The following NDUFA10 variants were observed in gnomAD, a reference collection of about 807,000 sequenced individuals.
NDUFA10 encodes the protein NADH dehydrogenase [ubiquinone] 1 alpha subcomplex subunit 10, mitochondrial.
NDUFA10 carries 40 observed loss-of-function variants against 47.8 expected under a neutral mutation model. That is an observed-to-expected ratio of 0.84 (90% confidence interval 0.65 to 1.09). The LOEUF is 1.09. Among genes scored for constraint, NDUFA10 ranks in the 50% least tolerant of loss-of-function variants. The pLI is 0.00. For synonymous variants in NDUFA10, 183 were observed against 172.2 expected, an observed-to-expected ratio of 1.06 and a Z score of -0.49; for missense variants, 413 against 451.1, an observed-to-expected ratio of 0.92 and a Z score of 0.76.
chr2:239,915,171 CAT>C (rs548886647), intron 4 of NDUFA10, among the ~76,000 whole-genome samples: 1,877 of 138,666 alleles, frequency 0.014, 158 homozygotes, highest in African/African-American at 0.043. Flanking sequence ...GATACACAAA[CAT>C]ACACACACAG....
intron 9 of NDUFA10, among the ~76,000 whole-genome samples, chr2:239,974,496 G>A (rs1349141195): frequency 6.6e-6 from 1 of 152,264 alleles, no homozygotes; most frequent in Non-Finnish European, 1.5e-5. Context: ...TCAAATGAGA[G>A]TGTGGATGTC....
intron 8 of NDUFA10, among the ~76,000 whole-genome samples, chr2:239,995,764 C>T (rs1476180400): frequency 2.0e-5 from 3 of 152,142 alleles, no homozygotes; most frequent in East Asian, 1.9e-4. Flanking sequence ...CATGCCCACA[C>T]TAATTGAAAG....
intron 9 of NDUFA10, among the ~76,000 whole-genome samples, chr2:239,985,519 G>A (rs546646172): frequency 2.7e-5 from 4 of 150,154 alleles, no homozygotes; most frequent in Non-Finnish European, 4.4e-5. Context: ...GCAGACACAC[G>A]AAGAATATGG....
At chr2:240,014,529 G>A (rs1697257175) in intron 5 of NDUFA10, 5 of 680,118 alleles carry the variant, frequency 7.4e-6, no homozygotes, top group Non-Finnish European at 1.0e-5. Context: ...GCACTGGTGG[G>A]CGGCAGGCCC....
At chr2:239,963,427 T>C (rs1235615940) in intron 9 of NDUFA10, among the ~76,000 whole-genome samples, 1 of 152,224 alleles carries the variant, frequency 6.6e-6, no homozygotes, top group Non-Finnish European at 1.5e-5. Context: ...CGTGACTTTC[T>C]GGCTTCACAG....
At chr2:239,993,657 T>G (rs1023732521) in intron 8 of NDUFA10, among the ~76,000 whole-genome samples, 2 of 149,468 alleles carry the variant, frequency 1.3e-5, no homozygotes, top group African/African-American at 5.0e-5. Flanking sequence ...CTGGTGGGAG[T>G]GGGATGAAGA....
chr2:240,012,183 C>T (rs533288798), intron 5 of NDUFA10: 4 of 203,288 alleles, frequency 2.0e-5, no homozygotes, highest in East Asian at 1.2e-4. Context: ...CCACTTTCTA[C>T]GGCTGTCACC....
In NDUFA10 at chr2:239,986,004, C is replaced by A. The variant is rs147253886; in HGVS notation, c.999+4070G>T. ...GAACCTCAGGCCAAGTGAGTACAGA[C>A]GCACATGCACACCTACTTACACAAC... is the stretch of plus-strand genomic sequence containing the variant. On this transcript the variant is annotated intron_variant, in intron 9 of 9. Coordinates refer to ENST00000252711, the MANE Select transcript of NDUFA10 (RefSeq NM_004544.4). Among the ~76,000 whole-genome samples, 7 of 151,438 alleles carry A rather than the reference C, an allele frequency of 4.6e-5. No homozygotes were observed. The East Asian group carries it at 1.4e-3, about 29-fold the overall frequency.
At chr2:239,969,450 C>G (rs541273239) in intron 9 of NDUFA10, 1 of 201,150 alleles carries the variant, frequency 5.0e-6, no homozygotes, top group Non-Finnish European at 9.4e-6. Context: ...CCCTCAGGAT[C>G]TGCTGCCTGT....
rs560939375 is a variant in NDUFA10 at position 239,898,135 on chromosome 2, G to A, written c.295-2821C>T. 1.2e-4 allele frequency among the ~76,000 whole-genome samples: 19 copies of A among 152,342 alleles called. 1 individual carries two copies. In the South Asian group the frequency reaches 3.9e-3, roughly 32 times the overall value. ...ACTGTTCAGAACCACCCAGGGCCCA[G>A]CTCACAAATGGAGTCAGGACTGTTC... On this transcript the variant is annotated intron_variant, in intron 4 of 5. Transcript: ENST00000419408.
chr2:239,953,949 G>C (rs565195233), downstream of NDUFA10, among the ~76,000 whole-genome samples: 8 of 152,152 alleles, frequency 5.3e-5, no homozygotes, highest in Non-Finnish European at 1.2e-4. Context: ...CTGCTGGGCT[G>C]GGCTAGGCTG....
intron 4 of NDUFA10, among the ~76,000 whole-genome samples, chr2:239,941,272 T>C (rs1162768598): frequency 6.6e-6 from 1 of 152,206 alleles, no homozygotes; most frequent in Non-Finnish European, 1.5e-5. Context: ...GCACAGGGAA[T>C]GCTGGCCTCC....
intron 4 of NDUFA10, among the ~76,000 whole-genome samples, chr2:239,909,939 C>T (rs1385481017): frequency 6.6e-6 from 1 of 150,528 alleles, no homozygotes; most frequent in African/African-American, 2.5e-5. Context: ...AAACATGCAG[C>T]CAGCAAACAT....
At chr2:239,897,611 C>T (rs773969100) in intron 4 of NDUFA10, among the ~76,000 whole-genome samples, 30 of 152,152 alleles carry the variant, frequency 2.0e-4, no homozygotes, top group East Asian at 3.8e-4. Flanking sequence ...GCTGGAGGGC[C>T]GAAGAGAGTC....
intron 9 of NDUFA10, among the ~76,000 whole-genome samples, chr2:239,989,677 C>T (rs573034556): frequency 6.6e-6 from 1 of 152,386 alleles, no homozygotes; most frequent in Non-Finnish European, 1.5e-5. Context: ...TGCCTGCCCT[C>T]CCTATGTCCT....
chr2:239,985,518 C>T (rs978509443), intron 9 of NDUFA10, among the ~76,000 whole-genome samples: 2 of 151,162 alleles, frequency 1.3e-5, no homozygotes, highest in African/African-American at 2.4e-5. Context: ...AGCAGACACA[C>T]GAAGAATATG....
Position 239,959,320 on chromosome 2 carries a change from G to T in NDUFA10, c.*1798C>A, listed in dbSNP as rs1025263989. 5.1e-6 allele frequency: 5 copies of T among 985,344 alleles called. No homozygotes were observed. The African/African-American group carries it at 8.7e-5, about 17-fold the overall frequency. The allele number at this position is 985,344 out of a possible 1,614,324, so 61.0% of individuals were successfully genotyped here. A position where few individuals can be genotyped will look rare whatever the true frequency, so the allele number is the denominator to read the frequency against. ...CACAGGGCAGACCTGCCCTCTCACTGCTGAGGACACTACCCGTGCAACCAC... is the reference window on the plus strand; with the variant it reads ...CACAGGGCAGACCTGCCCTCTCACTTCTGAGGACACTACCCGTGCAACCAC... On this transcript the variant is annotated 3_prime_UTR_variant, in exon 10 of 10. Coordinates refer to ENST00000252711, the MANE Select transcript of NDUFA10 (RefSeq NM_004544.4).
intron 9 of NDUFA10, among the ~76,000 whole-genome samples, chr2:239,961,404 G>T (rs1694849031): frequency 6.6e-6 from 1 of 152,196 alleles, no homozygotes; most frequent in Admixed American, 6.5e-5. Flanking sequence ...TTCTGTCCTA[G>T]GGCTGGGAGC....
At chr2:239,949,194 C>G (rs575559999) in intron 4 of NDUFA10, among the ~76,000 whole-genome samples, 4 of 152,324 alleles carry the variant, frequency 2.6e-5, no homozygotes, top group East Asian at 1.9e-4. Context: ...AACACTGATA[C>G]GGATAGGAGC....
Sources: allele counts gnomAD v4.1 joint callset (sites outside exome capture counted in the v4.1 genomes callset), GRCh38; gene constraint gnomAD v4.1.1; transcripts MANE v1.5; gene names NCBI Gene and HGNC (gene_info 2026-07-23, HGNC 2026-07-21).